Variants in FGD3 observed in about 807,000 individuals in gnomAD.
The protein encoded by FGD3 is FYVE, RhoGEF and PH domain containing 3.
A neutral mutation model predicts 71.8 loss-of-function variants in FGD3; 45 were observed. That is an observed-to-expected ratio of 0.63 (90% CI 0.49 to 0.80). The LOEUF (loss-of-function observed/expected upper bound fraction) is 0.80. Ranked by LOEUF, FGD3 falls within the 30% of genes least tolerant of loss-of-function variation. FGD3 has a pLI of 0.00. For missense variants in FGD3, 844 were observed against 951.5 expected (o/e 0.89, Z 1.49); for synonymous variants, 378 against 392.8 (o/e 0.96, Z 0.44).
At chr9:93,023,968 AT>A (rs35102502) in intron 14 of FGD3, among the ~76,000 whole-genome samples, 26,030 of 151,666 alleles carry the variant, frequency 0.17, 2,270 homozygotes, top group Non-Finnish European at 0.18. Flanking sequence ...TGCCCAGCTA[AT>A]TTTTTGTATT....
chr9:92,981,281 T>TGGCATGAA (rs747482801), intron 3 of FGD3, among the ~76,000 whole-genome samples: 2 of 145,530 alleles, frequency 1.4e-5, no homozygotes, highest in Non-Finnish European at 3.0e-5. Context: ...GGCAAGAGAA[T>TGGCATGAA]GGCATGAACC....
At chr9:92,980,776 G>C (rs1859961196) in intron 3 of FGD3, among the ~76,000 whole-genome samples, 1 of 151,532 alleles carries the variant, frequency 6.6e-6, no homozygotes, top group Non-Finnish European at 1.5e-5. Context: ...TTTGAGACTA[G>C]CCTGACCAAC....
At chr9:92,956,935 C>T (rs1859064893) in intron 1 of FGD3, among the ~76,000 whole-genome samples, 1 of 147,254 alleles carries the variant, frequency 6.8e-6, no homozygotes, top group Admixed American at 7.1e-5. Context: ...ACCTCCGGGG[C>T]TCAAGCAGTC....
At chr9:92,999,502 A>G (rs867778878) in intron 3 of FGD3, among the ~76,000 whole-genome samples, 1 of 151,900 alleles carries the variant, frequency 6.6e-6, no homozygotes, top group East Asian at 1.9e-4. Context: ...TGGTACCTCA[A>G]TCGGAAATGC....
At chr9:92,975,483 GA>G (rs2118569297) in intron 2 of FGD3, 78 bp downstream of exon 2, 1 of 152,342 alleles carries the variant, frequency 6.6e-6, no homozygotes, top group East Asian at 1.9e-4. Flanking sequence ...GGATGATTTT[GA>G]GGGATGACAG....
At chr9:93,015,876 T>G (rs772487140) in intron 10 of FGD3, 47 bp downstream of exon 10, 28 of 1,540,122 alleles carry the variant, frequency 1.8e-5, no homozygotes, top group African/African-American at 2.7e-5. Flanking sequence ...GAAGGGGCAC[T>G]GAGCAGGACT....
At chr9:93,027,465 C>G (rs986632374) in intron 14 of FGD3, among the ~76,000 whole-genome samples, 2 of 152,160 alleles carry the variant, frequency 1.3e-5, no homozygotes, top group African/African-American at 4.8e-5. Flanking sequence ...GTCCTCATCT[C>G]TTCTTATAAA....
At chr9:92,956,589 C>A (rs1859054409) in intron 1 of FGD3, among the ~76,000 whole-genome samples, 1 of 152,156 alleles carries the variant, frequency 6.6e-6, no homozygotes. Flanking sequence ...TCAGGAGAAA[C>A]CAACCCTGCC....
At chr9:93,019,499 A>C (rs971077654) in intron 11 of FGD3, among the ~76,000 whole-genome samples, 2 of 152,218 alleles carry the variant, frequency 1.3e-5, no homozygotes, top group African/African-American at 2.4e-5. Context: ...GGCTGTTGTC[A>C]CACTACCCTT....
Position 93,011,286 on chromosome 9 carries a change from T to C in FGD3, c.1035+14T>C, listed in dbSNP as rs1861357146. ...ATTCGGAAAGTGGTGAGTGTGGGGC[T>C]CCAGTGGCGACCGGCAGGGTGGTGC... On this transcript the variant is annotated intron_variant, in intron 8 of 17. Transcript: ENST00000375482. 6.2e-7 allele frequency: 1 copy of C among 1,613,930 alleles called. No homozygotes were observed. The highest frequency in any genetic ancestry group is 8.5e-7 in the Non-Finnish European group (1 of 1,179,962).
intron 14 of FGD3, among the ~76,000 whole-genome samples, chr9:93,026,167 G>A (rs1000065343): frequency 3.3e-5 from 5 of 152,194 alleles, no homozygotes; most frequent in South Asian, 4.1e-4. Flanking sequence ...GGGCAGCCCC[G>A]TTGGCCCTTG....
Position 92,969,234 on chromosome 9 carries a change from T to C in FGD3, c.-217-6004T>C, listed in dbSNP as rs531123880. On this transcript the variant is annotated intron_variant, in intron 1 of 17. Transcript: ENST00000375482. The surrounding 1 kb of genome is among the most constrained non-coding windows in gnomAD (Gnocchi z 4.5). The stretch of plus-strand genomic sequence containing the variant: ...GGGCTGGGACCCATTGCATAAGGCT[T>C]CCCCCAAAGGCTTCAGGCCTGGCTG... Among the ~76,000 whole-genome samples, 1 of 152,254 alleles carries C rather than the reference T, an allele frequency of 6.6e-6. No homozygotes were observed. The highest frequency in any genetic ancestry group is 1.5e-5 in the Non-Finnish European group (1 of 68,006).
intron 14 of FGD3, among the ~76,000 whole-genome samples, chr9:93,023,012 TAA>T (rs1861984148): frequency 6.6e-6 from 1 of 152,126 alleles, no homozygotes; most frequent in African/African-American, 2.4e-5. Flanking sequence ...TCTGGGAAGT[TAA>T]AGAGGATGAG....
chr9:93,004,571 C>T (rs1860981353), intron 5 of FGD3, among the ~76,000 whole-genome samples: 1 of 152,180 alleles, frequency 6.6e-6, no homozygotes, highest in Admixed American at 6.5e-5. Context: ...TCCCTCTGTC[C>T]CACTGCTGCT....
rs962678706 is a variant in FGD3, at chr9:92,976,376, A to G, written c.120A>G (p.Arg40=). Residue 40 remains arginine (R), a synonymous_variant, in exon 3 of 18, where the codon AGA becomes AGG. Coordinates refer to ENST00000375482, the MANE Select transcript of FGD3 (RefSeq NM_001083536.2). ...TTCAGGCGCTCCCTGTTGGGCCCAG[A>G]GCCCACTGTGGGGACCCTGTCAGCC... ...GKLQALPVGP[R]AHCGDPVSLA... 1 of 1,610,630 alleles carries G rather than the reference A, an allele frequency of 6.2e-7. No homozygotes were observed. The highest frequency in any genetic ancestry group is 1.3e-5 in the African/African-American group (1 of 74,888).
In FGD3 at chr9:92,969,615, C is replaced by G. The variant is rs79525343; in HGVS notation, c.-217-5623C>G. ...ACAGGACAAGGGAGGTCCCTGCCTACTAGGTTCCAGGCAGCACAGTGGACA... is the reference window on the plus strand; with the variant it reads ...ACAGGACAAGGGAGGTCCCTGCCTAGTAGGTTCCAGGCAGCACAGTGGACA... On this transcript the variant is annotated intron_variant, in intron 1 of 17. Coordinates refer to ENST00000375482, the MANE Select transcript of FGD3 (RefSeq NM_001083536.2). This position sits in a 1 kb window ranked among gnomAD's most constrained non-coding sequence, Gnocchi z 4.5. 6.6e-6 allele frequency among the ~76,000 whole-genome samples: 1 copy of G among 152,186 alleles called. No individual in the cohort carries two copies. Among genetic ancestry groups the G allele is most frequent in the South Asian group, 2.1e-4 (1 of 4,830 alleles).
At chr9:93,020,833 G>T (rs1299900448) in intron 13 of FGD3, among the ~76,000 whole-genome samples, 1 of 152,204 alleles carries the variant, frequency 6.6e-6, no homozygotes, top group African/African-American at 2.4e-5. Flanking sequence ...GGCAGCTTTA[G>T]GCTGAACTTA....
At chr9:93,010,724 GGA>G (rs960912074) in intron 7 of FGD3, among the ~76,000 whole-genome samples, 3 of 149,970 alleles carry the variant, frequency 2.0e-5, no homozygotes, top group Non-Finnish European at 3.0e-5. Flanking sequence ...GGAAGGAGGG[GGA>G]GAGAGAGAGA....
Position 93,003,107 on chromosome 9 carries a change from GACAAATTTA to G in FGD3, c.543+95_543+103del. ...TGAATGACTTAAATACTAAAACTCA[GACAAATTTA>G]AGTCTGGTCTACAAACTTTTTTTTT... On this transcript the variant is annotated intron_variant, in intron 4 of 17. Transcript: ENST00000375482. The surrounding 1 kb of genome is among the most constrained non-coding windows in gnomAD (Gnocchi z 4.1). The G allele has an allele frequency of 8.2e-7, 1 of 1,220,222 alleles. No homozygotes were observed. Among genetic ancestry groups the G allele is most frequent in the South Asian group, 1.3e-5 (1 of 76,650 alleles). 75.6% of individuals were successfully genotyped at this position (1,220,222 alleles called of 1,614,324 possible).
Sources: gnomAD v4.1 joint callset for allele counts (sites outside exome capture counted in the v4.1 genomes callset) on GRCh38, gnomAD v4.1.1 for gene constraint, Gnocchi (gnomAD v3.1) non-coding constraint, MANE v1.5 for transcripts, NCBI Gene and HGNC (gene_info 2026-07-23, HGNC 2026-07-21) for gene names.